The following CHODL variants were observed in gnomAD, a reference collection of about 807,000 sequenced individuals.
CHODL encodes the protein chondrolectin.
A neutral mutation model predicts 34.5 loss-of-function variants in CHODL; 29 were observed. The ratio of observed to expected loss-of-function variants is 0.84; its 90% CI spans 0.63 to 1.15. The LOEUF is 1.15. Among genes scored for constraint, CHODL ranks in the 50% most tolerant of loss-of-function variants. CHODL has a pLI of 0.00. For synonymous variants in CHODL, 125 were observed against 116.1 expected, an observed-to-expected ratio of 1.08 and a Z score of -0.49; for missense variants, 332 against 332.5, an observed-to-expected ratio of 1.00 and a Z score of 0.01.
rs3073722 is a variant in CHODL at position 17,951,107 on chromosome 21, CGTGTGTGT to C, written c.-145+33732_-145+33739del. Among the ~76,000 whole-genome samples, 754 of 149,096 alleles carry C rather than the reference CGTGTGTGT, an allele frequency of 5.1e-3. 8 individuals are homozygous for C. Among genetic ancestry groups the C allele is most frequent in the African/African-American group, 0.015 (607 of 40,562 alleles). ...ATGTGTGTGTATATATTACTCTATA[CGTGTGTGT>C]GTGTGTGTGTGTGTGTGTGTGTGTA... On this transcript the variant is annotated intron_variant, in intron 1 of 6. Transcript: ENST00000400127.
At chr21:18,157,652 A>G (rs1013359193) in intron 2 of CHODL, among the ~76,000 whole-genome samples, 1 of 152,220 alleles carries the variant, frequency 6.6e-6, no homozygotes, top group Non-Finnish European at 1.5e-5. Flanking sequence ...CTGTCTCATC[A>G]TCTCTAGTAA....
intron 2 of CHODL, among the ~76,000 whole-genome samples, chr21:18,198,656 A>T (rs2146704844): frequency 6.6e-6 from 1 of 152,236 alleles, no homozygotes; most frequent in Non-Finnish European, 1.5e-5. Context: ...TAGAAGGGTA[A>T]AAGACATTCC....
At chr21:18,194,178 CTG>C (rs943533037) in intron 2 of CHODL, among the ~76,000 whole-genome samples, 6 of 152,302 alleles carry the variant, frequency 3.9e-5, no homozygotes, top group Non-Finnish European at 8.8e-5. Context: ...TGTAAAGAAA[CTG>C]TGAAAAATTA....
At chr21:18,111,950 C>T (rs205676) in intron 2 of CHODL, among the ~76,000 whole-genome samples, 120,332 of 152,102 alleles carry the variant, frequency 0.79, 47,791 homozygotes, top group East Asian at 0.9. Context: ...TCAGTGCTTC[C>T]GAAACCTAGA....
chr21:18,058,033 A>G (rs555162896), intron 2 of CHODL, among the ~76,000 whole-genome samples: 7 of 152,248 alleles, frequency 4.6e-5, no homozygotes, highest in African/African-American at 1.2e-4. Flanking sequence ...ATTGTTAACT[A>G]TAGTCATCCT....
chr21:18,238,271 C>T (rs975260116), intron 2 of CHODL, among the ~76,000 whole-genome samples: 2 of 151,992 alleles, frequency 1.3e-5, no homozygotes, highest in African/African-American at 2.4e-5. Context: ...AAGACATACC[C>T]GAGACTGGGA....
At chr21:18,186,816 T>A (rs183660464) in intron 2 of CHODL, among the ~76,000 whole-genome samples, 65 of 152,348 alleles carry the variant, frequency 4.3e-4, no homozygotes, top group Admixed American at 1.3e-3. Context: ...GATATTTTTC[T>A]AGTGACTCAT....
intron 2 of CHODL, among the ~76,000 whole-genome samples, chr21:18,191,019 T>C (rs928648453): frequency 2.0e-5 from 3 of 152,176 alleles, no homozygotes; most frequent in African/African-American, 7.2e-5. Flanking sequence ...GATATTTGTG[T>C]CAACCCAGTA....
intron 2 of CHODL, among the ~76,000 whole-genome samples, chr21:18,238,196 C>G (rs1391870487): frequency 6.6e-6 from 1 of 151,992 alleles, no homozygotes; most frequent in Non-Finnish European, 1.5e-5. Context: ...TCTAGTGGTC[C>G]TTAACATGTT....
intron 2 of CHODL, among the ~76,000 whole-genome samples, chr21:18,083,581 A>G (rs577846897): frequency 6.6e-6 from 1 of 152,342 alleles, no homozygotes; most frequent in South Asian, 2.1e-4. Context: ...CTGAAAAGCC[A>G]CATGCGCAGA....
intron 1 of CHODL, among the ~76,000 whole-genome samples, chr21:17,942,267 G>T (rs1455841016): frequency 6.6e-6 from 1 of 152,088 alleles, no homozygotes; most frequent in East Asian, 1.9e-4. Context: ...ATCTTGAATT[G>T]TAACTCCCAC....
intron 2 of CHODL, among the ~76,000 whole-genome samples, chr21:18,122,806 T>G (rs1158141725): frequency 6.6e-6 from 1 of 152,228 alleles, no homozygotes; most frequent in African/African-American, 2.4e-5. Context: ...CATTAGACGC[T>G]TATTTATCTA....
At chr21:18,091,733 G>T (rs980162665) in intron 2 of CHODL, among the ~76,000 whole-genome samples, 1 of 152,184 alleles carries the variant, frequency 6.6e-6, no homozygotes, top group South Asian at 2.1e-4. Context: ...GCCCTGAAGA[G>T]TGAGTCCCAG....
At chr21:18,111,737 G>A (rs1430238389) in intron 2 of CHODL, among the ~76,000 whole-genome samples, 6 of 152,112 alleles carry the variant, frequency 3.9e-5, no homozygotes, top group African/African-American at 1.4e-4. Context: ...AACTTCAGTC[G>A]ATTTCAAACA....
At chr21:18,110,952 T>C (rs1293808907) in intron 2 of CHODL, among the ~76,000 whole-genome samples, 1 of 152,256 alleles carries the variant, frequency 6.6e-6, no homozygotes, top group Non-Finnish European at 1.5e-5. Context: ...TAAATAGGGA[T>C]CTCTTGTCTT....
At chr21:18,144,839 G>A (rs1270844016) in intron 2 of CHODL, among the ~76,000 whole-genome samples, 1 of 149,762 alleles carries the variant, frequency 6.7e-6, no homozygotes, top group East Asian at 2.0e-4. Context: ...AATTCTATAA[G>A]GTAAACATGA....
chr21:18,243,202 C>T (rs1364765678), upstream of CHODL, among the ~76,000 whole-genome samples: 1 of 152,226 alleles, frequency 6.6e-6, no homozygotes, highest in Non-Finnish European at 1.5e-5. Flanking sequence ...AGCATTTATA[C>T]ACAGAGTTAT....
intron 2 of CHODL, among the ~76,000 whole-genome samples, chr21:18,186,366 G>T (rs1408274203): frequency 6.6e-6 from 1 of 150,640 alleles, no homozygotes; most frequent in African/African-American, 2.4e-5. Flanking sequence ...ATCTGAATAA[G>T]GAAAGAAGTT....
chr21:18,205,614 T>G (rs1278684563), intron 2 of CHODL, among the ~76,000 whole-genome samples: 1 of 152,192 alleles, frequency 6.6e-6, no homozygotes, highest in Non-Finnish European at 1.5e-5. Context: ...AACTTTCCTC[T>G]AAGTACTGAT....
Sources: allele counts gnomAD v4.1 joint callset (sites outside exome capture counted in the v4.1 genomes callset), GRCh38; gene constraint gnomAD v4.1.1; transcripts MANE v1.5; gene names NCBI Gene and HGNC (gene_info 2026-07-23, HGNC 2026-07-21).